NXPE4: variants seen among roughly 807,000 people sequenced by gnomAD.
NXPE4 encodes the protein neurexophilin and PC-esterase domain family member 4, also known as NXPE family member 4.
In NXPE4, 42 loss-of-function variants were observed where a neutral mutation model predicts 33.3. The observed-to-expected ratio is 1.26, with a 90% CI of 0.98 to 1.63. The LOEUF is 1.63. NXPE4 is among the 40% of genes most tolerant of loss of function. The pLI is 0.00. For missense variants in NXPE4, 709 were observed against 647.6 expected, an observed-to-expected ratio of 1.09 and a Z score of -1.03; for synonymous variants, 253 against 234.9, an observed-to-expected ratio of 1.08 and a Z score of -0.71.
At chr11:114,630,628 C>G in the NXPE4 span, among the ~76,000 whole-genome samples, 191 of 151,320 alleles carry the variant, frequency 1.3e-3, 3 homozygotes, top group African/African-American at 4.4e-3. Context: ...GACTTCATGT[C>G]TAAAACACCA....
chr11:114,631,092 C>T, the NXPE4 span, among the ~76,000 whole-genome samples: 2 of 151,902 alleles, frequency 1.3e-5, no homozygotes, highest in African/African-American at 4.8e-5. Context: ...TAAACTAGTT[C>T]AATCATTGTG....
At chr11:114,668,249 C>A in the NXPE4 span, among the ~76,000 whole-genome samples, 2 of 152,056 alleles carry the variant, frequency 1.3e-5, no homozygotes, top group East Asian at 3.9e-4. Flanking sequence ...AATTAAGGTA[C>A]ACTAGAGGGA....
the NXPE4 span, among the ~76,000 whole-genome samples, chr11:114,630,341 C>G: frequency 6.6e-6 from 1 of 151,718 alleles, no homozygotes; most frequent in Non-Finnish European, 1.5e-5. Flanking sequence ...ATCAATGGAA[C>G]AGAACATAGC....
chr11:114,632,224 T>G, the NXPE4 span, among the ~76,000 whole-genome samples: 2 of 140,664 alleles, frequency 1.4e-5, no homozygotes, highest in African/African-American at 5.1e-5. Flanking sequence ...TATATGTATA[T>G]ATGTATAATA....
At chr11:114,632,371 T>C in the NXPE4 span, among the ~76,000 whole-genome samples, 1 of 134,200 alleles carries the variant, frequency 7.5e-6, no homozygotes, top group Non-Finnish European at 1.5e-5. Flanking sequence ...ATATATTACA[T>C]ATAGTTATAT....
chr11:114,613,246 G>A, the NXPE4 span, among the ~76,000 whole-genome samples: 17 of 151,468 alleles, frequency 1.1e-4, no homozygotes, highest in African/African-American at 3.1e-4. Flanking sequence ...ACTGTTACCC[G>A]GTGGATAATA....
intron 2 of NXPE4, among the ~76,000 whole-genome samples, chr11:114,592,488 C>T (rs771635110): frequency 1.8e-4 from 28 of 151,664 alleles, no homozygotes; most frequent in Non-Finnish European, 8.8e-5. Context: ...ATGAAAACTA[C>T]AAAACATTGA....
the NXPE4 span, among the ~76,000 whole-genome samples, chr11:114,663,937 A>C: frequency 6.6e-6 from 1 of 152,184 alleles, no homozygotes; most frequent in Non-Finnish European, 1.5e-5. Flanking sequence ...ACTTTGGCAC[A>C]TTGCTGATGG....
chr11:114,590,944 A>G (rs1014157635), intron 2 of NXPE4, among the ~76,000 whole-genome samples: 1 of 152,086 alleles, frequency 6.6e-6, no homozygotes, highest in Non-Finnish European at 1.5e-5. Context: ...TCTGTTAAAA[A>G]CTTGTTCTTG....
the NXPE4 span, among the ~76,000 whole-genome samples, chr11:114,615,042 GATA>G: frequency 6.6e-6 from 1 of 151,330 alleles, no homozygotes; most frequent in Non-Finnish European, 1.5e-5. Flanking sequence ...TTACCCACTG[GATA>G]ATAAGTGTTG....
intron 2 of NXPE4, among the ~76,000 whole-genome samples, chr11:114,592,654 A>G (rs1204870345): frequency 2.0e-5 from 3 of 152,162 alleles, no homozygotes; most frequent in Non-Finnish European, 4.4e-5. Flanking sequence ...TACCAATAAT[A>G]TTCTTCATCG....
At chr11:114,626,409 G>A in the NXPE4 span, among the ~76,000 whole-genome samples, 312 of 152,260 alleles carry the variant, frequency 2.0e-3, 1 homozygote, top group African/African-American at 7.1e-3. Context: ...CCCCCCAACA[G>A]GGGCAGACTG....
the NXPE4 span, among the ~76,000 whole-genome samples, chr11:114,609,926 T>C: frequency 5.9e-5 from 9 of 151,972 alleles, no homozygotes; most frequent in East Asian, 1.8e-3. Flanking sequence ...AACCGGTGGA[T>C]AATAAGTGTT....
the NXPE4 span, among the ~76,000 whole-genome samples, chr11:114,617,931 G>C: frequency 3.1e-4 from 47 of 152,030 alleles, 3 homozygotes; most frequent in East Asian, 8.8e-3. Flanking sequence ...GTAATCTGCT[G>C]CATAATAAGT....
chr11:114,581,818 A>C (rs764703175), intron 3 of NXPE4, 32 bp from the exon 4 acceptor site: 3 of 1,490,182 alleles, frequency 2.0e-6, no homozygotes, highest in Non-Finnish European at 1.9e-6. Flanking sequence ...ATTAATCTGT[A>C]GGTGGCCTCA....
At chr11:114,638,082 C>G in the NXPE4 span, among the ~76,000 whole-genome samples, 1 of 151,396 alleles carries the variant, frequency 6.6e-6, no homozygotes, top group African/African-American at 2.4e-5. Context: ...TCCATTCACC[C>G]CGTCACTTTC....
chr11:114,653,561 A>G, the NXPE4 span, among the ~76,000 whole-genome samples: 11 of 123,594 alleles, frequency 8.9e-5, no homozygotes, highest in African/African-American at 3.1e-4. Flanking sequence ...TTTTAGACAG[A>G]GTCTTGCTCT....
chr11:114,611,323 GATA>G, the NXPE4 span, among the ~76,000 whole-genome samples: 2 of 150,952 alleles, frequency 1.3e-5, no homozygotes, highest in African/African-American at 2.4e-5. Context: ...TTACCCAGTG[GATA>G]ATAAGTATTG....
chr11:114,576,409 A>G (rs1948994975), intron 5 of NXPE4, among the ~76,000 whole-genome samples: 1 of 152,224 alleles, frequency 6.6e-6, no homozygotes, highest in South Asian at 2.1e-4. Flanking sequence ...CAGAGTTAAC[A>G]GACAACTCAC....
Sources: gnomAD v4.1 joint callset for allele counts (sites outside exome capture counted in the v4.1 genomes callset) on GRCh38, gnomAD v4.1.1 for gene constraint, MANE v1.5 for transcripts, NCBI Gene and HGNC (gene_info 2026-07-23, HGNC 2026-07-21) for gene names.